The following NEDD4L variants were observed in gnomAD, a reference collection of about 807,000 sequenced individuals.
The protein encoded by NEDD4L is E3 ubiquitin-protein ligase NEDD4-like.
NEDD4L carries 54 observed loss-of-function variants against 148.9 expected under a neutral mutation model. That is an observed-to-expected ratio of 0.36 (90% CI 0.29 to 0.45). The LOEUF is 0.45. Ranked by LOEUF, NEDD4L falls within the 20% of genes least tolerant of loss-of-function variation. The pLI is 1.00. For missense variants in NEDD4L, 856 were observed against 1,233.8 expected, an observed-to-expected ratio of 0.69 and a Z score of 4.59; for synonymous variants, 433 against 440.7, an observed-to-expected ratio of 0.98 and a Z score of 0.22.
chr18:58,102,024 GGTTA>G (rs1245575658), intron 1 of NEDD4L, among the ~76,000 whole-genome samples: 3 of 152,032 alleles, frequency 2.0e-5, no homozygotes, highest in African/African-American at 7.2e-5. Flanking sequence ...TTCCTTGGTT[GGTTA>G]GTTTTTCTAC....
chr18:58,184,117 C>T (rs571952974), intron 2 of NEDD4L, among the ~76,000 whole-genome samples: 84 of 152,194 alleles, frequency 5.5e-4, no homozygotes, highest in Middle Eastern at 6.8e-3. Flanking sequence ...TGCAGTGACC[C>T]GAGATCGCGC....
At chr18:58,207,417 C>T (rs1309953794) in intron 2 of NEDD4L, among the ~76,000 whole-genome samples, 1 of 151,850 alleles carries the variant, frequency 6.6e-6, no homozygotes. Flanking sequence ...GTAGTTTCCT[C>T]CCTGAAGAAT....
intron 2 of NEDD4L, among the ~76,000 whole-genome samples, chr18:58,226,636 G>A (rs944145191): frequency 6.6e-6 from 1 of 152,010 alleles, no homozygotes; most frequent in African/African-American, 2.4e-5. Flanking sequence ...TGTTGTGCCT[G>A]GGGACAGGGA....
At chr18:58,268,994 G>A (rs373512598) in intron 5 of NEDD4L, among the ~76,000 whole-genome samples, 1 of 152,060 alleles carries the variant, frequency 6.6e-6, no homozygotes, top group African/African-American at 2.4e-5. Flanking sequence ...CCTCAGGCCT[G>A]AAAGTCTGGT....
intron 1 of NEDD4L, among the ~76,000 whole-genome samples, chr18:58,125,950 G>A (rs540784556): frequency 9.9e-5 from 15 of 152,226 alleles, no homozygotes; most frequent in Admixed American, 3.3e-4. Context: ...CCGGGCATCC[G>A]TCTGCCTGGC....
chr18:58,281,633 C>A (rs1331048034), intron 5 of NEDD4L, among the ~76,000 whole-genome samples: 1 of 151,920 alleles, frequency 6.6e-6, no homozygotes, highest in Admixed American at 6.6e-5. Flanking sequence ...ACTTCCCTAA[C>A]CTTATGGCAG....
At chr18:58,325,746 A>AT (rs1227394415) in intron 9 of NEDD4L, among the ~76,000 whole-genome samples, 1 of 152,218 alleles carries the variant, frequency 6.6e-6, no homozygotes, top group East Asian at 1.9e-4. Flanking sequence ...CAGTAAACCA[A>AT]TTCCTGTTTT....
At chr18:58,294,582 A>T (rs1221687223) in intron 5 of NEDD4L, among the ~76,000 whole-genome samples, 1 of 150,826 alleles carries the variant, frequency 6.6e-6, no homozygotes, top group African/African-American at 2.5e-5. Context: ...CATTGGTTTT[A>T]TTCAGTTAAA....
At chr18:58,248,496 A>T (rs1205922688) in intron 3 of NEDD4L, among the ~76,000 whole-genome samples, 1 of 152,212 alleles carries the variant, frequency 6.6e-6, no homozygotes, top group African/African-American at 2.4e-5. Context: ...CAATGAACAC[A>T]TTCAACTTTC....
chr18:58,136,297 C>G (rs556075272), intron 1 of NEDD4L, among the ~76,000 whole-genome samples: 3 of 152,086 alleles, frequency 2.0e-5, no homozygotes, highest in Non-Finnish European at 4.4e-5. Context: ...CGCATCCTGC[C>G]ACTGAGTTGA....
At chr18:58,130,626 C>T (rs563837829) in intron 1 of NEDD4L, among the ~76,000 whole-genome samples, 5 of 137,554 alleles carry the variant, frequency 3.6e-5, no homozygotes, top group African/African-American at 8.5e-5. Context: ...AGAACTGTGG[C>T]GGTGTTGGGC....
At chr18:58,351,376 T>G (rs2043860740) in intron 18 of NEDD4L, among the ~76,000 whole-genome samples, 1 of 152,210 alleles carries the variant, frequency 6.6e-6, no homozygotes, top group Non-Finnish European at 1.5e-5. Context: ...GAAAATAAGA[T>G]TAGAAATGAT....
chr18:58,256,833 G>T lies in NEDD4L; in HGVS notation c.297+4779G>T. The T allele has an allele frequency of 8.2e-7, 1 of 1,216,484 alleles. No individual in the cohort carries two copies. Among genetic ancestry groups the T allele is most frequent in the Non-Finnish European group, 1.0e-6 (1 of 974,334 alleles). 75.4% of individuals were successfully genotyped at this position (1,216,484 alleles called of 1,614,324 possible). On this transcript the variant is annotated intron_variant, in intron 5 of 30. Coordinates refer to ENST00000400345, the MANE Select transcript of NEDD4L (RefSeq NM_001144967.3). This position sits in a 1 kb window ranked among gnomAD's most constrained non-coding sequence, Gnocchi z 5.2. The stretch of plus-strand genomic sequence containing the variant: ...ATTTCAACTTCGATGCTTACTCTGC[G>T]GCGTAACCAAAATAAAACCTCACCC...
chr18:58,215,132 A>G (rs146361895), intron 2 of NEDD4L, among the ~76,000 whole-genome samples: 18 of 152,208 alleles, frequency 1.2e-4, no homozygotes, highest in Non-Finnish European at 2.1e-4. Flanking sequence ...TGATATATCT[A>G]TGTGTGAGGG....
At chr18:58,361,628 G>A (rs897983230) in intron 19 of NEDD4L, among the ~76,000 whole-genome samples, 36 of 152,274 alleles carry the variant, frequency 2.4e-4, no homozygotes, top group African/African-American at 8.4e-4. Flanking sequence ...TCCCCGTGCC[G>A]GGCATGAGCC....
At chr18:58,340,947 G>GA in intron 13 of NEDD4L, 91 bp from the exon 14 acceptor site, 1 of 1,337,822 alleles carries the variant, frequency 7.5e-7, no homozygotes, top group South Asian at 1.4e-5. Context: ...TTTGTCTAGA[G>GA]AAAATAATTA....
intron 16 of NEDD4L, among the ~76,000 whole-genome samples, chr18:58,346,258 A>G (rs2043057386): frequency 1.3e-5 from 2 of 152,176 alleles, no homozygotes; most frequent in Admixed American, 6.5e-5. Flanking sequence ...AAATGATCCA[A>G]AGTCTGAAAC....
At chr18:58,063,002 A>G (rs1470060925) in intron 1 of NEDD4L, among the ~76,000 whole-genome samples, 1 of 149,052 alleles carries the variant, frequency 6.7e-6, no homozygotes, top group Non-Finnish European at 1.5e-5. Flanking sequence ...AAAAAAAAAA[A>G]AAGAAATCGA....
intron 10 of NEDD4L, 84 bp from the exon 11 acceptor site, chr18:58,330,654 A>G (rs2059714294): frequency 2.7e-5 from 29 of 1,082,214 alleles, no homozygotes; most frequent in South Asian, 6.7e-5. Context: ...CACCGGGGCT[A>G]TTGTTGTTAC....
Sources: gnomAD v4.1 joint callset for allele counts (sites outside exome capture counted in the v4.1 genomes callset) on GRCh38, gnomAD v4.1.1 for gene constraint, Gnocchi (gnomAD v3.1) non-coding constraint, MANE v1.5 for transcripts, NCBI Gene and HGNC (gene_info 2026-07-23, HGNC 2026-07-21) for gene names.